BAIAP3: variants seen among roughly 807,000 people sequenced by gnomAD.
BAIAP3 encodes BAI1 associated protein 3, also known as BAI1-associated protein 3.
A neutral mutation model predicts 149.7 loss-of-function variants in BAIAP3; 180 were observed. That is an observed-to-expected ratio of 1.20 (90% CI 1.07 to 1.36). The LOEUF is 1.36. Ranked by LOEUF, BAIAP3 falls within the 40% of genes most tolerant of loss-of-function variation. The pLI, the probability that BAIAP3 is intolerant of heterozygous loss-of-function variation, is 0.00. For missense variants in BAIAP3, 1,767 were observed against 1,563.4 expected, an observed-to-expected ratio of 1.13 and a Z score of -2.20; for synonymous variants, 845 against 670.7, an observed-to-expected ratio of 1.26 and a Z score of -4.02.
chr16:1,344,696 C>G lies in BAIAP3; in HGVS notation c.1755C>G (p.His585Gln). Reference protein sequence around the residue: ...FCYSVYASLFHSILNVDVFTL... With the variant: ...FCYSVYASLFQSILNVDVFTL... ...ACAGTGTGTACGCCAGCCTCTTCCA[C>G]AGGTGGGCCTGGCCCCTCAGTGCTG... The change falls in exon 19 of 34, where the codon CAC becomes CAG. Residue 585 changes from histidine (H) to glutamine (Q), a missense_variant and splice_region_variant. Physicochemically the swap from His to Gln is conservative, Grantham distance 24 (BLOSUM62 0). Transcript: ENST00000426824. The G allele has an allele frequency of 1.2e-6, 2 of 1,613,620 alleles. No individual in the cohort carries two copies. Among genetic ancestry groups the G allele is most frequent in the Non-Finnish European group, 1.7e-6 (2 of 1,180,010 alleles).
intron 28 of BAIAP3, 140 bp downstream of exon 28, chr16:1,347,095 G>A (rs374848378): frequency 3.5e-5 from 32 of 911,446 alleles, no homozygotes; most frequent in Middle Eastern, 6.1e-4. Flanking sequence ...GCCTCCTCCC[G>A]TTAATGCCGA....
Position 1,342,640 on chromosome 16 carries a change from G to T in BAIAP3, c.1065+6G>T. ...TCAAGCTGATCACTACGCAGGTGGG[G>T]AAAGTGGGCGTCCCCGTCCTCCACC... On this transcript the variant is annotated splice_donor_region_variant and intron_variant, in intron 12 of 33. Transcript: ENST00000426824. The T allele has an allele frequency of 6.3e-7, 1 of 1,593,470 alleles. No individual in the cohort carries two copies. Among genetic ancestry groups the T allele is most frequent in the Non-Finnish European group, 8.5e-7 (1 of 1,170,816 alleles).
chr16:1,345,988 C>CCT lies in BAIAP3; in HGVS notation c.2211_2212insCT (p.Val738LeufsTer28). On this transcript the variant is annotated frameshift_variant, in exon 24 of 34. Transcript: ENST00000426824. LOFTEE classifies it high-confidence loss of function. ...CCCCACCGCCATCCCCTCCTCAGGA[C>CCT]GTGTGTGAGGCCACCCTCTTCTATA... 1.2e-6 allele frequency: 2 copies of CCT among 1,606,056 alleles called. No individual in the cohort carries two copies.
rs905972851 is a variant in BAIAP3 at position 1,347,620 on chromosome 16, A to C, written c.2899A>C (p.Lys967Gln). The C allele has an allele frequency of 1.5e-5, 24 of 1,612,736 alleles. No individual in the cohort carries two copies. The highest frequency in any genetic ancestry group is 2.0e-5 in the Non-Finnish European group (24 of 1,179,812). ...CIEQFYLDKL[K>Q]QRTLEQNRFG... ...CGAGCAGTTCTACCTGGACAAGCTC[A>C]AACAGGTAGGGAGGCGCCAGGGACA... is the stretch of plus-strand genomic sequence containing the variant. Residue 967 changes from lysine (K) to glutamine (Q), a missense_variant, in exon 30 of 34, where the codon AAA (lysine) becomes CAA (glutamine). Transcript: ENST00000426824.
chr16:1,336,428 C>CAA, intron 1 of BAIAP3: 1 of 978,494 alleles, frequency 1.0e-6, no homozygotes, highest in Non-Finnish European at 1.2e-6. Context: ...CATTGCCTCT[C>CAA]ACAGGGTGGG....
chr16:1,347,620 A>T lies in BAIAP3; in HGVS notation c.2899A>T (p.Lys967Ter). 1 of 1,612,884 alleles carries T rather than the reference A, an allele frequency of 6.2e-7. No individual in the cohort carries two copies. Among genetic ancestry groups the T allele is most frequent in the Non-Finnish European group, 8.5e-7 (1 of 1,179,834 alleles). ...CIEQFYLDKL[K>*]QRTLEQNRFG... ...CGAGCAGTTCTACCTGGACAAGCTCAAACAGGTAGGGAGGCGCCAGGGACA... is the reference window on the plus strand; with the variant it reads ...CGAGCAGTTCTACCTGGACAAGCTCTAACAGGTAGGGAGGCGCCAGGGACA... Residue 967 changes from lysine (K) to a stop codon, truncating the protein, a stop_gained, in exon 30 of 34, where the codon AAA becomes TAA. Transcript: ENST00000426824. LOFTEE classifies it high-confidence loss of function.
In BAIAP3 at chr16:1,347,033, C is replaced by A. The variant is rs1174585133; in HGVS notation, c.2751+78C>A. The A allele has an allele frequency of 3.0e-6, 4 of 1,340,038 alleles. No homozygotes were observed. In the African/African-American group the frequency reaches 5.8e-5, roughly 19 times the overall value. The allele number at this position is 1,340,038 out of a possible 1,614,324, so 83.0% of individuals were successfully genotyped here. A position where few individuals can be genotyped will look rare whatever the true frequency, so the allele number is the denominator to read the frequency against. ...TGATCCCTCCCTTTGTCCCCACTGG[C>A]CTGCCTGGTCTCCTGTGGCTGGAGA... On this transcript the variant is annotated intron_variant, in intron 28 of 33. Coordinates refer to ENST00000426824, the MANE Select transcript of BAIAP3 (RefSeq NM_001199097.2).
Position 1,347,968 on chromosome 16 carries a change from C to G in BAIAP3, c.3100C>G (p.Gln1034Glu). The change falls in exon 32 of 34, where the codon CAG becomes GAG. Residue 1034 changes from glutamine to glutamate, a missense_variant. Coordinates refer to ENST00000426824, the MANE Select transcript of BAIAP3 (RefSeq NM_001199097.2). ...TCCACTGGTCCGCAGCCAGAGGACC[C>G]AGGTGAAGACCCGGACGCTGCACCC... ...LFPLVRSQRT[Q>E]VKTRTLHPVY... 1.9e-6 allele frequency: 3 copies of G among 1,611,850 alleles called. No individual in the cohort carries two copies. The highest frequency in any genetic ancestry group is 2.5e-6 in the Non-Finnish European group (3 of 1,179,950).
intron 22 of BAIAP3, 108 bp from the exon 23 acceptor site, chr16:1,345,639 C>T: frequency 1.4e-6 from 1 of 690,432 alleles, no homozygotes; most frequent in Non-Finnish European, 2.1e-6. Flanking sequence ...ACAACCCCAG[C>T]CTCCCCGGCC....
At chr16:1,340,606 A>G (rs1192543233) in intron 5 of BAIAP3, among the ~76,000 whole-genome samples, 4 of 149,598 alleles carry the variant, frequency 2.7e-5, no homozygotes, top group African/African-American at 9.8e-5. Context: ...ACACACATAC[A>G]TGCACATAGG....
At chr16:1,342,464 C>A in intron 11 of BAIAP3, 63 bp from the exon 12 acceptor site, 1 of 1,475,136 alleles carries the variant, frequency 6.8e-7, no homozygotes, top group South Asian at 1.2e-5. Flanking sequence ...CAGGGTCTCA[C>A]AGAGTCAGTG....
chr16:1,339,152 C>A lies in BAIAP3; in HGVS notation c.220-12C>A, dbSNP rs7202563. The A allele has an allele frequency of 0.92, 1,437,417 of 1,565,290 alleles. 660,569 individuals carry two copies. Among genetic ancestry groups the A allele is most frequent in the East Asian group, 1 (42,058 of 42,068 alleles). On this transcript the variant is annotated splice_polypyrimidine_tract_variant and intron_variant, in intron 3 of 33. Coordinates refer to ENST00000426824, the MANE Select transcript of BAIAP3 (RefSeq NM_001199097.2). ...CTGCCGTCAGAGCCCTCACCCTGGGCCCCACACACAGGTCCCCCTGCGCAG... is the reference window on the plus strand; with the variant it reads ...CTGCCGTCAGAGCCCTCACCCTGGGACCCACACACAGGTCCCCCTGCGCAG...
chr16:1,346,574 G>A (rs1273285685), intron 26 of BAIAP3, 31 bp from the exon 27 acceptor site: 28 of 1,567,632 alleles, frequency 1.8e-5, no homozygotes, highest in Admixed American at 9.5e-5. Flanking sequence ...GAGGTGCGGG[G>A]TAAGCCTGGC....
rs777288558 is a variant in BAIAP3 at position 1,345,806 on chromosome 16, C to T, written c.2124C>T (p.Cys708=). 3 of 1,578,764 alleles carry T rather than the reference C, an allele frequency of 1.9e-6. No individual in the cohort carries two copies. Among genetic ancestry groups the T allele is most frequent in the Non-Finnish European group, 1.7e-6 (2 of 1,166,296 alleles). The change falls in exon 23 of 34, where the codon TGC becomes TGT. Residue 708 remains cysteine, a synonymous_variant. Transcript: ENST00000426824. ...GCTCCGCAGCCACTGCTGGTCTCTG[C>T]CTCAGCCACATCCAGGAGTTGTGGG... ...HSSSAATAGL[C]LSHIQELWVR...
At position 1,341,834 on chromosome 16, in the gene BAIAP3, T is replaced by C. The variant is rs906749660; in HGVS notation, c.744T>C (p.Asp248=). The C allele has an allele frequency of 6.8e-6, 11 of 1,612,348 alleles. No individual in the cohort carries two copies. The highest frequency in any genetic ancestry group is 1.7e-5 in the Admixed American group (1 of 59,944). ...WKEHFLFEIE[D]VSTDQLHLDI... is the part of the protein sequence containing the mutation. Reference sequence around the variant, plus strand: ...GTTCTCCTTGTAGCGAGATTGAGGATGTGAGCACGGACCAGCTGCACCTGG... The same window carrying C: ...GTTCTCCTTGTAGCGAGATTGAGGACGTGAGCACGGACCAGCTGCACCTGG... The change falls in exon 9 of 34, where the codon GAT becomes GAC. Residue 248 remains aspartate (D), a synonymous_variant. Transcript: ENST00000426824.
chr16:1,347,836 G>C lies in BAIAP3; in HGVS notation c.3025+15G>C. ...GGACGCCAACGGTGAGTTGCAGCGG[G>C]GACGGGTCGGGTGGTGGTGGGATGG... On this transcript the variant is annotated intron_variant, in intron 31 of 33. Coordinates refer to ENST00000426824, the MANE Select transcript of BAIAP3 (RefSeq NM_001199097.2). 1 of 1,603,954 alleles carries C rather than the reference G, an allele frequency of 6.2e-7. No individual in the cohort carries two copies.
chr16:1,335,758 G>C (rs2033410883), intron 1 of BAIAP3, among the ~76,000 whole-genome samples: 1 of 152,192 alleles, frequency 6.6e-6, no homozygotes, highest in African/African-American at 2.4e-5. Context: ...CTAGCAACGG[G>C]CAGTGGGAGG....
In BAIAP3 at chr16:1,345,115, C is replaced by A; in HGVS notation, c.1940+16C>A. On this transcript the variant is annotated intron_variant, in intron 21 of 33. Transcript: ENST00000426824. ...TCCCTGGCCGGTGGGTGCCCCGTCCCTATCTCTTGCAGACAGACTTTGGGA... is the reference window on the plus strand; with the variant it reads ...TCCCTGGCCGGTGGGTGCCCCGTCCATATCTCTTGCAGACAGACTTTGGGA... The A allele has an allele frequency of 6.2e-7, 1 of 1,612,546 alleles. No individual in the cohort carries two copies.
chr16:1,338,968 A>G lies in BAIAP3; in HGVS notation c.198A>G (p.Arg66=), dbSNP rs1458156444. 6.2e-7 allele frequency: 1 copy of G among 1,613,026 alleles called. No homozygotes were observed. The highest frequency in any genetic ancestry group is 1.3e-5 in the African/African-American group (1 of 75,036). Residue 66 remains arginine, a synonymous_variant, in exon 3 of 34, where the codon AGA becomes AGG. Transcript: ENST00000426824. ...MRLMLKKGEG[R]QGLPCLEVPL... ...TCATGCTGAAGAAGGGGGAAGGCAG[A>G]CAGGGCTTGCCGTGCCTCGAGGTAA...
Sources: gnomAD v4.1 joint callset for allele counts (sites outside exome capture counted in the v4.1 genomes callset) on GRCh38, gnomAD v4.1.1 for gene constraint, MANE v1.5 for transcripts, NCBI Gene and HGNC (gene_info 2026-07-23, HGNC 2026-07-21) for gene names.